WBP2NL: variants seen among roughly 807,000 people sequenced by gnomAD.
The protein encoded by WBP2NL is postacrosomal sheath WW domain-binding protein.
In WBP2NL, 27 loss-of-function variants were observed where a neutral mutation model predicts 23.3. That is an observed-to-expected ratio of 1.16 (90% confidence interval 0.85 to 1.60). The LOEUF is 1.60. Ranked by LOEUF, WBP2NL falls within the 40% of genes most tolerant of loss-of-function variation. The pLI is 0.00. For missense variants in WBP2NL, 370 were observed against 389.5 expected, an observed-to-expected ratio of 0.95 and a Z score of 0.42; for synonymous variants, 151 against 145.9, an observed-to-expected ratio of 1.03 and a Z score of -0.25.
intron 1 of WBP2NL, chr22:42,000,974 T>G: frequency 4.5e-6 from 2 of 447,648 alleles, no homozygotes; most frequent in Non-Finnish European, 8.0e-6. Context: ...CCCTGGGCAA[T>G]AGAGGGAGAC....
At chr22:42,034,645 G>A (rs1056111783), downstream of WBP2NL, among the ~76,000 whole-genome samples, 1 of 152,176 alleles carries the variant, frequency 6.6e-6, no homozygotes, top group African/African-American at 2.4e-5. Context: ...TAATAAGCCT[G>A]GGAGCGCTAT....
intron 1 of WBP2NL, among the ~76,000 whole-genome samples, chr22:42,000,297 G>C (rs1402858913): frequency 2.0e-5 from 3 of 152,042 alleles, no homozygotes; most frequent in African/African-American, 7.2e-5. Flanking sequence ...TGCTTCCTAC[G>C]TACCTCTGCT....
chr22:42,040,324 G>A (rs977884337), intron 8 of WBP2NL, among the ~76,000 whole-genome samples: 3 of 151,722 alleles, frequency 2.0e-5, no homozygotes, highest in Non-Finnish European at 4.4e-5. Flanking sequence ...CTGGGTTCAA[G>A]TAATTCTCCT....
At chr22:42,032,044 TTTTCTGTAAATTTA>T (rs998085893), downstream of WBP2NL, 2 of 152,192 alleles carry the variant, frequency 1.3e-5, no homozygotes, top group African/African-American at 2.4e-5. Context: ...CATGTCTTTG[TTTTCTGTAAATTTA>T]TTTCTGTTAC....
intron 1 of WBP2NL, among the ~76,000 whole-genome samples, chr22:42,008,088 C>CT (rs1556288717): frequency 8.1e-6 from 1 of 123,890 alleles, no homozygotes; most frequent in South Asian, 2.8e-4. Flanking sequence ...CTCTTCTCCT[C>CT]TTCCTTTCCT....
rs193055949 is a variant in WBP2NL at position 42,012,329 on chromosome 22, A to T, written c.63-6982A>T. ...TGTCGATTTGAGATCTTTCTTCTTT[A>T]TTAAAGTACACATCTGCAGCTATAA... On this transcript the variant is annotated intron_variant, in intron 1 of 5. Transcript: ENST00000328823. Among the ~76,000 whole-genome samples, 520 of 151,974 alleles carry T rather than the reference A, an allele frequency of 3.4e-3. 2 individuals carry two copies. Among genetic ancestry groups the T allele is most frequent in the Non-Finnish European group, 5.5e-3 (376 of 67,990 alleles).
chr22:42,020,897 TATATATATATA>T (rs1463902406), intron 4 of WBP2NL, among the ~76,000 whole-genome samples: 41 of 58,950 alleles, frequency 7.0e-4, no homozygotes, highest in Admixed American at 9.0e-4. Flanking sequence ...TATATATATA[TATATATATATA>T]TTTTTTTTTT....
chr22:42,008,371 A>G (rs1922496072), intron 1 of WBP2NL, among the ~76,000 whole-genome samples: 2 of 150,698 alleles, frequency 1.3e-5, no homozygotes, highest in African/African-American at 4.9e-5. Flanking sequence ...CACTACACCC[A>G]GTTTTTTGTA....
intron 1 of WBP2NL, among the ~76,000 whole-genome samples, chr22:42,007,555 C>T (rs1200046219): frequency 1.3e-5 from 2 of 152,170 alleles, no homozygotes; most frequent in African/African-American, 2.4e-5. Flanking sequence ...AAACAATTCC[C>T]TCTATCCCTC....
chr22:42,014,290 G>A (rs1923108635), intron 1 of WBP2NL, among the ~76,000 whole-genome samples: 2 of 152,046 alleles, frequency 1.3e-5, no homozygotes, highest in Non-Finnish European at 2.9e-5. Context: ...CAGTGGTACA[G>A]TCGTGGCTCA....
intron 1 of WBP2NL, among the ~76,000 whole-genome samples, chr22:41,999,700 TG>T (rs1413791567): frequency 6.6e-6 from 1 of 152,096 alleles, no homozygotes; most frequent in Non-Finnish European, 1.5e-5. Context: ...CCCAGGAGTT[TG>T]GGCTGCAGTG....
chr22:42,030,782 G>A (rs1009818038), downstream of WBP2NL: 4 of 152,274 alleles, frequency 2.6e-5, no homozygotes, highest in African/African-American at 9.6e-5. Context: ...CAGGGATAAG[G>A]TTTCCCTTGT....
chr22:42,022,212 TAA>T, intron 4 of WBP2NL, 35 bp from the exon 5 acceptor site: 1 of 1,543,610 alleles, frequency 6.5e-7, no homozygotes, highest in Non-Finnish European at 9.0e-7. Context: ...CTGACTTAAT[TAA>T]AAGAGTTCCT....
At chr22:42,047,070 T>C (rs540279282) in intron 8 of WBP2NL, among the ~76,000 whole-genome samples, 1 of 152,180 alleles carries the variant, frequency 6.6e-6, no homozygotes, top group East Asian at 1.9e-4. Flanking sequence ...TCCATTGCTG[T>C]CGTGAGAGAC....
intron 8 of WBP2NL, among the ~76,000 whole-genome samples, chr22:42,057,886 TA>T (rs2146830418): frequency 1.7e-4 from 4 of 23,098 alleles, no homozygotes; most frequent in African/African-American, 1.7e-4. Context: ...TATATATATA[TA>T]TATATATATA....
intron 4 of WBP2NL, 134 bp downstream of exon 4, chr22:42,020,230 G>C: frequency 1.2e-6 from 1 of 865,650 alleles, no homozygotes; most frequent in Non-Finnish European, 1.7e-6. Context: ...TTGTAAGTCG[G>C]GGTTTCACCA....
chr22:42,045,596 C>T (rs566229203), intron 8 of WBP2NL, among the ~76,000 whole-genome samples: 105 of 152,322 alleles, frequency 6.9e-4, no homozygotes, highest in African/African-American at 2.5e-3. Flanking sequence ...GTGAACAGCT[C>T]TCTGCCCACA....
At chr22:42,032,787 G>C (rs1471171450), downstream of WBP2NL, 4 of 469,456 alleles carry the variant, frequency 8.5e-6, no homozygotes, top group Non-Finnish European at 1.8e-5. Context: ...GAAAGAAGGG[G>C]TTCTGTCAAA....
chr22:42,006,838 G>T (rs1239520420), intron 1 of WBP2NL, among the ~76,000 whole-genome samples: 3 of 152,198 alleles, frequency 2.0e-5, no homozygotes, highest in Non-Finnish European at 4.4e-5. Context: ...GTGTTTTGTA[G>T]AGATTTTTTC....
Sources: allele counts gnomAD v4.1 joint callset (sites outside exome capture counted in the v4.1 genomes callset), GRCh38; gene constraint gnomAD v4.1.1; transcripts MANE v1.5; gene names NCBI Gene and HGNC (gene_info 2026-07-23, HGNC 2026-07-21).